The following STAC variants were observed in gnomAD, a reference collection of about 807,000 sequenced individuals.
The protein encoded by STAC is SH3 and cysteine-rich domain-containing protein.
Under a neutral mutation model 48.8 loss-of-function variants are expected in STAC, and 43 were observed. That is an observed-to-expected ratio of 0.88 (90% CI 0.69 to 1.14). The LOEUF (loss-of-function observed/expected upper bound fraction) is 1.14, where lower values mean the gene tolerates loss of function less well. STAC is among the 50% of genes most tolerant of loss of function. The pLI, the probability that STAC is intolerant of heterozygous loss-of-function variation, is 0.00. For synonymous variants in STAC, 193 were observed against 179.5 expected, an observed-to-expected ratio of 1.07 and a Z score of -0.60; for missense variants, 497 against 504.0, an observed-to-expected ratio of 0.99 and a Z score of 0.13.
chr3:36,522,693 C>T (rs1698834611), intron 8 of STAC, among the ~76,000 whole-genome samples: 1 of 152,212 alleles, frequency 6.6e-6, no homozygotes. Context: ...TTACCATGTG[C>T]TTCCCAAAGT....
chr3:36,516,990 A>G (rs537569432), intron 8 of STAC, among the ~76,000 whole-genome samples: 4 of 152,296 alleles, frequency 2.6e-5, no homozygotes, highest in South Asian at 4.1e-4. Flanking sequence ...AGCAGGCCCA[A>G]TGAGACCTTG....
At chr3:36,495,123 C>G (rs544660032) in intron 6 of STAC, among the ~76,000 whole-genome samples, 124 of 152,280 alleles carry the variant, frequency 8.1e-4, no homozygotes, top group South Asian at 5.0e-3. Flanking sequence ...CTCATGTGAT[C>G]CCAAAGCAGT....
intron 2 of STAC, among the ~76,000 whole-genome samples, chr3:36,482,309 C>G (rs1447159089): frequency 3.3e-5 from 5 of 152,220 alleles, no homozygotes; most frequent in African/African-American, 9.6e-5. Flanking sequence ...CTCTCCAGTG[C>G]TCCTGCCTTG....
At chr3:36,460,497 T>C (rs774281584) in intron 2 of STAC, among the ~76,000 whole-genome samples, 4 of 152,170 alleles carry the variant, frequency 2.6e-5, no homozygotes, top group Non-Finnish European at 5.9e-5. Flanking sequence ...TTCTGTATTT[T>C]ATCTGGCAAC....
At chr3:36,493,002 T>C (rs1439206882) in intron 5 of STAC, 149 bp from the exon 6 acceptor site, 1 of 646,764 alleles carries the variant, frequency 1.5e-6, no homozygotes, top group Admixed American at 2.5e-5. Context: ...ACATAGCTTC[T>C]CTGAAGTTAG....
Position 36,410,491 on chromosome 3 carries a change from G to A in STAC, c.111+29737G>A, listed in dbSNP as rs549545964. Among the ~76,000 whole-genome samples the A allele has an allele frequency of 5.3e-5, 8 of 152,004 alleles. No homozygotes were observed. In the South Asian group the frequency reaches 1.7e-3, roughly 32 times the overall value. ...CTATTAGAATCAGAACCAAAATTTG[G>A]ATCCCAGCAGCTTGACCATTTTGGG... is the stretch of plus-strand genomic sequence containing the variant. On this transcript the variant is annotated intron_variant, in intron 1 of 10. Coordinates refer to ENST00000273183, the MANE Select transcript of STAC (RefSeq NM_003149.3).
At chr3:36,452,080 A>G (rs1325546714) in intron 2 of STAC, among the ~76,000 whole-genome samples, 2 of 152,318 alleles carry the variant, frequency 1.3e-5, no homozygotes, top group East Asian at 1.9e-4. Context: ...ATTAGTCTAT[A>G]AAACCTAAAG....
Position 36,469,765 on chromosome 3 carries a change from T to A in STAC, c.389-13227T>A, listed in dbSNP as rs540333756. Among the ~76,000 whole-genome samples the A allele has an allele frequency of 1.1e-3, 164 of 151,982 alleles. 2 individuals are homozygous for A. Among genetic ancestry groups the A allele is most frequent in the African/African-American group, 3.7e-3 (152 of 41,528 alleles). On this transcript the variant is annotated intron_variant, in intron 2 of 10. Transcript: ENST00000273183. ...TTCTTGGAGTCTTTGTTCATTTTTT[T>A]TTTATTTTTTTTTATTTTTCTTTGA...
chr3:36,478,204 C>T (rs1697543182), intron 2 of STAC, among the ~76,000 whole-genome samples: 1 of 152,186 alleles, frequency 6.6e-6, no homozygotes, highest in Non-Finnish European at 1.5e-5. Flanking sequence ...TCACCTTCCA[C>T]AAAGAGTCAT....
At chr3:36,502,720 G>A (rs1698309262) in intron 6 of STAC, among the ~76,000 whole-genome samples, 1 of 152,076 alleles carries the variant, frequency 6.6e-6, no homozygotes, top group Admixed American at 6.6e-5. Context: ...GTTTACAGCA[G>A]GATTTCAGAC....
Position 36,398,312 on chromosome 3 carries a change from A to AAAGC in STAC, c.111+17561_111+17562insCAAG, listed in dbSNP as rs1397681167. Among the ~76,000 whole-genome samples, 216 of 105,908 alleles carry AAAGC rather than the reference A, an allele frequency of 2.0e-3. 2 individuals are homozygous for AAAGC. The highest frequency in any genetic ancestry group is 0.018 in the East Asian group (66 of 3,620). The allele number at this position is 105,908 out of a possible 152,430, so 69.5% of individuals were successfully genotyped here. On this transcript the variant is annotated intron_variant, in intron 1 of 10. Transcript: ENST00000273183. ...TATGTTAAAAAAGAAAGAAAGAAAG[A>AAAGC]AAGAAAGCAAGAAAGAAAGAAAGAA...
At chr3:36,521,441 A>C (rs774714552) in intron 8 of STAC, among the ~76,000 whole-genome samples, 14 of 152,254 alleles carry the variant, frequency 9.2e-5, no homozygotes, top group Non-Finnish European at 1.9e-4. Context: ...CTCTAGGCTC[A>C]ACCCTGCCAA....
intron 7 of STAC, among the ~76,000 whole-genome samples, chr3:36,505,076 G>A (rs1698369190): frequency 6.6e-6 from 1 of 151,584 alleles, no homozygotes; most frequent in African/African-American, 2.4e-5. Flanking sequence ...TGTAAATTGG[G>A]GACAAAAACA....
At chr3:36,437,931 G>GTTATTTATTA (rs1362673521) in intron 1 of STAC, among the ~76,000 whole-genome samples, 64 of 140,568 alleles carry the variant, frequency 4.6e-4, no homozygotes, top group South Asian at 1.4e-3. Context: ...TATTCATTGA[G>GTTATTTATTA]TTATTATTAT....
intron 1 of STAC, among the ~76,000 whole-genome samples, chr3:36,440,672 T>C (rs550504062): frequency 5.8e-4 from 88 of 152,292 alleles, no homozygotes; most frequent in Non-Finnish European, 1.1e-3. Context: ...TTTTGATAGA[T>C]TGAGATGCAA....
intron 1 of STAC, among the ~76,000 whole-genome samples, chr3:36,438,151 G>A (rs1184912966): frequency 1.3e-5 from 2 of 152,014 alleles, no homozygotes; most frequent in Non-Finnish European, 2.9e-5. Flanking sequence ...TGGTCAGGCT[G>A]GTCTCGAACT....
intron 8 of STAC, among the ~76,000 whole-genome samples, chr3:36,513,697 C>T (rs573796798): frequency 3.3e-5 from 5 of 152,270 alleles, no homozygotes; most frequent in South Asian, 2.1e-4. Flanking sequence ...CCTGCCCTTA[C>T]CGCCCTTAGA....
At chr3:36,471,952 T>C (rs1455041960) in intron 2 of STAC, among the ~76,000 whole-genome samples, 2 of 152,208 alleles carry the variant, frequency 1.3e-5, no homozygotes, top group Non-Finnish European at 2.9e-5. Context: ...AGTGCCCCAG[T>C]AGGGACTCTG....
chr3:36,480,732 A>G (rs146330791), intron 2 of STAC, among the ~76,000 whole-genome samples: 2 of 152,340 alleles, frequency 1.3e-5, no homozygotes, highest in African/African-American at 4.8e-5. Flanking sequence ...TCCCCCTTTC[A>G]GCTCTTGAAT....
Sources: gnomAD v4.1 joint callset for allele counts (sites outside exome capture counted in the v4.1 genomes callset) on GRCh38, gnomAD v4.1.1 for gene constraint, MANE v1.5 for transcripts, NCBI Gene and HGNC (gene_info 2026-07-23, HGNC 2026-07-21) for gene names.